TMEM165: variants seen among roughly 807,000 people sequenced by gnomAD.
TMEM165 encodes the protein putative divalent cation/proton antiporter TMEM165.
A neutral mutation model predicts 30.0 loss-of-function variants in TMEM165; 19 were observed. The observed-to-expected ratio is 0.63, with a 90% confidence interval of 0.44 to 0.93. The LOEUF (loss-of-function observed/expected upper bound fraction) is 0.93. Among genes scored for constraint, TMEM165 ranks in the 40% least tolerant of loss-of-function variants. TMEM165 has a pLI of 0.00. For synonymous variants in TMEM165, 168 were observed against 162.9 expected, an observed-to-expected ratio of 1.03 and a Z score of -0.24; for missense variants, 340 against 417.0, an observed-to-expected ratio of 0.82 and a Z score of 1.61.
intron 4 of TMEM165, among the ~76,000 whole-genome samples, chr4:55,420,393 G>T (rs1439262053): frequency 6.6e-6 from 1 of 151,362 alleles, no homozygotes; most frequent in Non-Finnish European, 1.5e-5. Context: ...AGACACCCTG[G>T]TCCATTCTAG....
In TMEM165 at chr4:55,401,109, T is replaced by A. The variant is rs182432312; in HGVS notation, c.207+4713T>A. ...TTAGTAGGCATTCAAGTGGAAGATA[T>A]GTTATAAAAACCTAGTTGTATCTTA... On this transcript the variant is annotated intron_variant, in intron 1 of 5. Transcript: ENST00000381334. Among the ~76,000 whole-genome samples the A allele has an allele frequency of 2.8e-4, 41 of 148,884 alleles. No individual in the cohort carries two copies. The East Asian group carries it at 7.3e-3, about 27-fold the overall frequency.
At chr4:55,435,226 G>T in intron 3 of TMEM165, 1 of 648,504 alleles carries the variant, frequency 1.5e-6, no homozygotes, top group Non-Finnish European at 2.7e-6. Flanking sequence ...ACCTCCTGCT[G>T]GCTGGTATTT....
chr4:55,419,016 G>A (rs980593288), intron 4 of TMEM165, among the ~76,000 whole-genome samples: 1 of 152,136 alleles, frequency 6.6e-6, no homozygotes, highest in African/African-American at 2.4e-5. Context: ...CTGCACTCCA[G>A]CCTGGGCAGC....
chr4:55,416,965 T>C (rs1721756688), intron 2 of TMEM165, 107 bp from the exon 3 acceptor site: 1 of 949,864 alleles, frequency 1.1e-6, no homozygotes, highest in African/African-American at 1.7e-5. Context: ...GCTTCTAATG[T>C]GAACCATTTT....
In TMEM165 at chr4:55,435,601, A is replaced by C. The variant is rs751399011; in HGVS notation, c.408+10958A>C. On this transcript the variant is annotated intron_variant, in intron 3 of 3. Transcript: ENST00000608091. The stretch of plus-strand genomic sequence containing the variant: ...CATGGAGCAACCTAGAAGTCTAAAA[A>C]ACAAATGGATTATGCAGCATTGCTT... The C allele has an allele frequency of 3.0e-5, 49 of 1,613,646 alleles. 1 individual carries two copies. In the South Asian group the frequency reaches 5.4e-4, roughly 18 times the overall value.
intron 1 of TMEM165, among the ~76,000 whole-genome samples, chr4:55,400,848 GT>G (rs1720970452): frequency 6.6e-6 from 1 of 150,660 alleles, no homozygotes; most frequent in African/African-American, 2.5e-5. Context: ...TGTAATATAA[GT>G]GTCATTGGCT....
chr4:55,452,677 T>C (rs17085747), exon 4 of TMEM165: 3,224 of 197,258 alleles, frequency 0.016, 104 homozygotes, highest in African/African-American at 0.071. Flanking sequence ...CCAGTGTCTT[T>C]AGGGAAGATT....
At chr4:55,398,651 G>A (rs1002191200) in intron 1 of TMEM165, among the ~76,000 whole-genome samples, 11 of 152,064 alleles carry the variant, frequency 7.2e-5, no homozygotes, top group African/African-American at 2.4e-4. Flanking sequence ...GCTGCCTTGG[G>A]TTCTTGCAAG....
Position 55,396,138 on chromosome 4 carries a change from T to C in TMEM165, c.-52T>C. On this transcript the variant is annotated 5_prime_UTR_variant, in exon 1 of 6. Transcript: ENST00000381334. ...GGCTGTTCGGGGTCGAGGCTTCCCGTCGCCGGCACTTCCTCTTGCGGCGCC... is the reference window on the plus strand; with the variant it reads ...GGCTGTTCGGGGTCGAGGCTTCCCGCCGCCGGCACTTCCTCTTGCGGCGCC... 3 of 1,313,444 alleles carry C rather than the reference T, an allele frequency of 2.3e-6. No homozygotes were observed. Among genetic ancestry groups the C allele is most frequent in the Non-Finnish European group, 2.9e-6 (3 of 1,040,214 alleles). 81.4% of individuals were successfully genotyped at this position (1,313,444 alleles called of 1,614,324 possible). A position where few individuals can be genotyped will look rare whatever the true frequency, so the allele number is the denominator to read the frequency against.
intron 1 of TMEM165, among the ~76,000 whole-genome samples, chr4:55,409,043 C>T (rs1721381597): frequency 6.6e-6 from 1 of 151,548 alleles, no homozygotes; most frequent in Non-Finnish European, 1.5e-5. Context: ...CAGCTCACTG[C>T]AGGAAGCTCG....
chr4:55,431,240 T>TC (rs779685802), intron 3 of TMEM165: 10 of 152,300 alleles, frequency 6.6e-5, no homozygotes, highest in Admixed American at 5.2e-4. Flanking sequence ...AGCAGCACTA[T>TC]CTTTTGGTAG....
At chr4:55,403,351 A>G (rs1219984362) in intron 1 of TMEM165, 4 of 1,212,576 alleles carry the variant, frequency 3.3e-6, no homozygotes, top group Admixed American at 2.5e-5. Flanking sequence ...ATCTGTATCA[A>G]TTTCAATACA....
At chr4:55,410,798 G>T (rs1200584387) in intron 1 of TMEM165, among the ~76,000 whole-genome samples, 1 of 152,174 alleles carries the variant, frequency 6.6e-6, no homozygotes, top group Non-Finnish European at 1.5e-5. Context: ...TGAATGAGAT[G>T]TAGCTAAGAA....
At chr4:55,408,580 GC>G (rs747526397) in intron 1 of TMEM165, among the ~76,000 whole-genome samples, 2 of 152,054 alleles carry the variant, frequency 1.3e-5, no homozygotes, top group African/African-American at 2.4e-5. Flanking sequence ...TGCATATTCG[GC>G]CCATCATTGA....
At chr4:55,431,919 G>GA (rs1053627096) in intron 3 of TMEM165, 3 of 152,162 alleles carry the variant, frequency 2.0e-5, no homozygotes, top group Non-Finnish European at 1.5e-5. Context: ...GCTCTTGATG[G>GA]AGCTGGACTG....
chr4:55,444,511 T>C lies in TMEM165; in HGVS notation c.409-7728T>C, dbSNP rs1723631864. The C allele has an allele frequency of 2.6e-6, 3 of 1,175,876 alleles. No individual in the cohort carries two copies. The South Asian group carries it at 3.7e-5, about 15-fold the overall frequency. The allele number at this position is 1,175,876 out of a possible 1,614,324, so 72.8% of individuals were successfully genotyped here. A position where few individuals can be genotyped will look rare whatever the true frequency, so the allele number is the denominator to read the frequency against. On this transcript the variant is annotated intron_variant, in intron 3 of 3. Transcript: ENST00000608091. ...TACTGAGTAGGTAACCAGTGAATAT[T>C]TATTGAACTGAATTGATAAAACGTA...
chr4:55,403,232 G>A (rs1165654038), intron 1 of TMEM165: 9 of 1,285,404 alleles, frequency 7.0e-6, no homozygotes, highest in Non-Finnish European at 9.1e-6. Flanking sequence ...CTGTTTTTTT[G>A]CAGGGACATC....
At position 55,417,292 on chromosome 4, in the gene TMEM165, A is replaced by G. The variant is rs762635841; in HGVS notation, c.609+45A>G. The G allele has an allele frequency of 5.1e-6, 8 of 1,575,784 alleles. No homozygotes were observed. The African/African-American group carries it at 1.1e-4, about 21-fold the overall frequency. On this transcript the variant is annotated intron_variant, in intron 3 of 5. Coordinates refer to ENST00000381334, the MANE Select transcript of TMEM165 (RefSeq NM_018475.5). Reference sequence around the variant, plus strand: ...ATCTGGACCAAAAAGGCACTCAACTAGGAATAAACACTCTACAGAGGTTTC... The same window carrying G: ...ATCTGGACCAAAAAGGCACTCAACTGGGAATAAACACTCTACAGAGGTTTC...
At chr4:55,448,929 G>T in intron 3 of TMEM165, 1 of 1,246,488 alleles carries the variant, frequency 8.0e-7, no homozygotes, top group Non-Finnish European at 1.2e-6. Context: ...AGTACTTCCA[G>T]CAGAAATATC....
Sources: allele counts gnomAD v4.1 joint callset (sites outside exome capture counted in the v4.1 genomes callset), GRCh38; gene constraint gnomAD v4.1.1; transcripts MANE v1.5; gene names NCBI Gene and HGNC (gene_info 2026-07-23, HGNC 2026-07-21).